The following WDR62 variants were observed in gnomAD, a reference collection of about 807,000 sequenced individuals.
WDR62 encodes the protein WD repeat domain 62.
A neutral mutation model predicts 160.6 loss-of-function variants in WDR62; 112 were observed. That is an observed-to-expected ratio of 0.70 (90% confidence interval 0.60 to 0.82). The LOEUF (loss-of-function observed/expected upper bound fraction) is 0.82, where lower values mean the gene tolerates loss of function less well. WDR62 is among the 40% of genes least tolerant of loss of function. The pLI is 0.00. For missense variants in WDR62, 1,819 were observed against 1,983.8 expected (o/e 0.92, Z 1.58); for synonymous variants, 792 against 815.1 (o/e 0.97, Z 0.48).
intron 12 of WDR62, among the ~76,000 whole-genome samples, chr19:36,085,185 T>G (rs376890779): frequency 1.3e-5 from 2 of 152,084 alleles, no homozygotes; most frequent in African/African-American, 4.8e-5. Flanking sequence ...GCACCATCTC[T>G]GCTGACTGCA....
intron 19 of WDR62, 39 bp from the exon 20 acceptor site, chr19:36,093,992 C>T (rs774075040): frequency 6.2e-7 from 1 of 1,612,420 alleles, no homozygotes; most frequent in Non-Finnish European, 8.5e-7. Context: ...AGCCCATTTG[C>T]CTGTATTCTC....
At chr19:36,105,958 C>CA (rs1459899143), downstream of WDR62, among the ~76,000 whole-genome samples, 9 of 152,190 alleles carry the variant, frequency 5.9e-5, no homozygotes, top group Non-Finnish European at 1.3e-4. Flanking sequence ...CTCGGCCTCC[C>CA]AAAGTGCTGG....
chr19:36,058,085 C>T (rs571368255), intron 1 of WDR62, among the ~76,000 whole-genome samples: 37 of 152,320 alleles, frequency 2.4e-4, no homozygotes, highest in Middle Eastern at 3.4e-3. Flanking sequence ...GGCACAGTGG[C>T]TCATGCCTGT....
At chr19:36,095,859 C>T (rs1268723285) in intron 20 of WDR62, among the ~76,000 whole-genome samples, 1 of 152,182 alleles carries the variant, frequency 6.6e-6, no homozygotes, top group Admixed American at 6.5e-5. Context: ...AATCTTTTTC[C>T]TCTGCAAAGT....
intron 18 of WDR62, among the ~76,000 whole-genome samples, chr19:36,091,881 C>CA (rs71167591): frequency 0.071 from 10,300 of 144,358 alleles, 574 homozygotes; most frequent in East Asian, 0.23. Context: ...GACCCCGTCT[C>CA]AAAAAAAAAA....
chr19:36,074,634 G>A (rs1156387359), intron 9 of WDR62, among the ~76,000 whole-genome samples: 1 of 152,180 alleles, frequency 6.6e-6, no homozygotes, highest in African/African-American at 2.4e-5. Flanking sequence ...ATTCAGGATC[G>A]TGAGAAAGAA....
downstream of WDR62, among the ~76,000 whole-genome samples, chr19:36,106,089 G>A (rs922757400): frequency 4.6e-5 from 7 of 152,208 alleles, no homozygotes; most frequent in African/African-American, 1.7e-4. Flanking sequence ...CCCAGGCCAC[G>A]AGCAGCTGGG....
intron 8 of WDR62, 73 bp downstream of exon 8, chr19:36,071,789 C>A: frequency 6.5e-7 from 1 of 1,538,330 alleles, no homozygotes; most frequent in Non-Finnish European, 8.8e-7. Flanking sequence ...TCCATGCTTC[C>A]AGATCCATCT....
At chr19:36,081,615 C>T in intron 10 of WDR62, 45 bp downstream of exon 10, 3 of 1,613,736 alleles carry the variant, frequency 1.9e-6, no homozygotes, top group Non-Finnish European at 2.5e-6. Flanking sequence ...GGAACAAAGA[C>T]CTACTGTAAG....
intron 6 of WDR62, 55 bp from the exon 7 acceptor site, chr19:36,067,773 C>G (rs1475010901): frequency 6.3e-7 from 1 of 1,591,284 alleles, no homozygotes; most frequent in African/African-American, 1.3e-5. Context: ...ATCATCTGGT[C>G]ATGCAGGGCC....
rs148645423 is a variant in WDR62 at position 36,103,823 on chromosome 19, T to G, written c.3995T>G (p.Val1332Gly). ...PAVSFPAPSP[V>G]EESALRLHGS... ...GTGAGCTTCCCAGCCCCTAGCCCTG[T>G]GGAAGAGAGCGCCCTGAGGCTCCAC... is the stretch of plus-strand genomic sequence containing the variant. Residue 1332 changes from valine to glycine, a missense_variant, in exon 30 of 32, where the codon GTG (valine) becomes GGG (glycine). Coordinates refer to ENST00000401500, the MANE Select transcript of WDR62 (RefSeq NM_001083961.2). 13 of 1,607,070 alleles carry G rather than the reference T, an allele frequency of 8.1e-6. No individual in the cohort carries two copies. In the African/African-American group the frequency reaches 1.7e-4, roughly 21 times the overall value.
chr19:36,082,020 G>A, intron 10 of WDR62: 1 of 366,374 alleles, frequency 2.7e-6, no homozygotes, highest in Non-Finnish European at 5.4e-6. Flanking sequence ...GGAAATTTTG[G>A]TTAGTATTGC....
At chr19:36,106,050 C>T (rs1025212523), downstream of WDR62, among the ~76,000 whole-genome samples, 5 of 152,230 alleles carry the variant, frequency 3.3e-5, no homozygotes, top group African/African-American at 1.2e-4. Context: ...CCCAGGCAGG[C>T]TTGCCCACTG....
chr19:36,055,901 G>A (rs1750370312), intron 1 of WDR62, among the ~76,000 whole-genome samples: 1 of 152,222 alleles, frequency 6.6e-6, no homozygotes, highest in Non-Finnish European at 1.5e-5. Flanking sequence ...GGGCGCGGTA[G>A]CTCACGTCTG....
At position 36,099,457 on chromosome 19, in the gene WDR62, C is replaced by T; in HGVS notation, c.2579C>T (p.Pro860Leu). 3.7e-6 allele frequency: 6 copies of T among 1,613,932 alleles called. No individual in the cohort carries two copies. Among genetic ancestry groups the T allele is most frequent in the Non-Finnish European group, 5.1e-6 (6 of 1,180,032 alleles). The change falls in exon 22 of 32, where the codon CCC becomes CTC. Residue 860 changes from proline (P) to leucine (L), a missense_variant. Pro to Leu is a moderately conservative substitution (Grantham distance 98, BLOSUM62 -3). Transcript: ENST00000401500. ...LAFHAKRSYQ[P>L]HGRWAERAGQ... ...TTCCACGCCAAGCGCAGCTACCAGC[C>T]CCACGGCCGCTGGGCAGAGCGGGCC...
At chr19:36,106,582 C>T (rs576544774), downstream of WDR62, among the ~76,000 whole-genome samples, 2 of 152,202 alleles carry the variant, frequency 1.3e-5, no homozygotes, top group Admixed American at 6.5e-5. Flanking sequence ...TGGGCTGAAG[C>T]TTGATAGAGG....
At chr19:36,075,461 C>T (rs1196879621) in intron 9 of WDR62, 2 of 151,744 alleles carry the variant, frequency 1.3e-5, no homozygotes, top group African/African-American at 2.4e-5. Flanking sequence ...TTTTTTCCCC[C>T]CCAAGACGGA....
chr19:36,078,958 C>A (rs772374018), intron 9 of WDR62, among the ~76,000 whole-genome samples: 10 of 124,798 alleles, frequency 8.0e-5, no homozygotes, highest in Non-Finnish European at 1.2e-4. Flanking sequence ...TTGGTCCTTT[C>A]CTGTTGTTCA....
chr19:36,091,277 G>C lies in WDR62; in HGVS notation c.2112G>C (p.Ser704=), dbSNP rs115453534. The C allele has an allele frequency of 2.6e-4, 427 of 1,613,870 alleles. No individual in the cohort carries two copies. In the African/African-American group the frequency reaches 5.4e-3, roughly 20 times the overall value. ...GCATCTCAGTGATTGACTTTTACTC[G>C]GGCGAGTGCATTGCCAAGATGTTTG... ...DKSISVIDFY[S]GECIAKMFGH... Residue 704 remains serine (S), a synonymous_variant, in exon 17 of 32, where the codon TCG becomes TCC. Transcript: ENST00000401500.
Sources: gnomAD v4.1 joint callset for allele counts (sites outside exome capture counted in the v4.1 genomes callset) on GRCh38, gnomAD v4.1.1 for gene constraint, MANE v1.5 for transcripts, NCBI Gene and HGNC (gene_info 2026-07-23, HGNC 2026-07-21) for gene names.